Variants in TG observed in about 807,000 individuals in gnomAD.
TG encodes the protein thyroglobulin.
A neutral mutation model predicts 324.7 loss-of-function variants in TG; 270 were observed. The ratio of observed to expected loss-of-function variants is 0.83; its 90% CI spans 0.75 to 0.92. The LOEUF is 0.92. Ranked by LOEUF, TG falls within the 40% of genes least tolerant of loss-of-function variation. The pLI is 0.00. For synonymous variants in TG, 1,401 were observed against 1,327.0 expected (o/e 1.06, Z -1.21); for missense variants, 3,591 against 3,456.4 (o/e 1.04, Z -0.98).
At chr8:132,875,285 T>A (rs1235564477) in intron 5 of TG, among the ~76,000 whole-genome samples, 2 of 152,240 alleles carry the variant, frequency 1.3e-5, no homozygotes, top group African/African-American at 4.8e-5. Context: ...CCAGTTTTAT[T>A]GAGTACTTAT....
At chr8:132,999,569 C>T (rs935968053) in intron 35 of TG, among the ~76,000 whole-genome samples, 6 of 152,200 alleles carry the variant, frequency 3.9e-5, no homozygotes, top group Non-Finnish European at 7.3e-5. Context: ...TGCTCTCTCT[C>T]AGATCTGCCT....
intron 18 of TG, among the ~76,000 whole-genome samples, chr8:132,908,695 G>T (rs1265788083): frequency 6.6e-6 from 1 of 152,174 alleles, no homozygotes; most frequent in East Asian, 1.9e-4. Context: ...TCACCTCTTT[G>T]CTCTTTGGGG....
chr8:133,091,430 G>A (rs1847504756), intron 41 of TG, among the ~76,000 whole-genome samples: 1 of 152,202 alleles, frequency 6.6e-6, no homozygotes, highest in Admixed American at 6.5e-5. Context: ...GGGCAGAGCT[G>A]CCAGACCTCC....
Position 133,134,826 on chromosome 8 carries a change from G to C in TG, c.*32G>C, listed in dbSNP as rs760309222. The C allele has an allele frequency of 1.9e-6, 3 of 1,568,692 alleles. No homozygotes were observed. The highest frequency in any genetic ancestry group is 2.6e-6 in the Non-Finnish European group (3 of 1,138,722). On this transcript the variant is annotated 3_prime_UTR_variant, in exon 48 of 48. Transcript: ENST00000220616. ...CTTGAGCTCCCCAAAAACCTCACCCGAGGCTGCCCACTATGGTCATCTTTT... is the reference window on the plus strand; with the variant it reads ...CTTGAGCTCCCCAAAAACCTCACCCCAGGCTGCCCACTATGGTCATCTTTT...
chr8:133,100,641 CT>C lies in TG; in HGVS notation c.7572+4269del, dbSNP rs962144985. Among the ~76,000 whole-genome samples, 30 of 152,308 alleles carry C rather than the reference CT, an allele frequency of 2.0e-4. 1 individual carries two copies. The highest frequency in any genetic ancestry group is 1.9e-3 in the South Asian group (9 of 4,830). ...AACCAGAATTAAAACCCAGTTCTAT[CT>C]GCCTCCAAATATCCTCTTCCCATGA... On this transcript the variant is annotated intron_variant, in intron 43 of 47. Coordinates refer to ENST00000220616, the MANE Select transcript of TG (RefSeq NM_003235.5).
intron 43 of TG, among the ~76,000 whole-genome samples, chr8:133,101,136 T>C (rs1294742391): frequency 1.3e-5 from 2 of 152,000 alleles, no homozygotes. Flanking sequence ...TGATAAACAC[T>C]AGGTCAGGGA....
chr8:132,897,161 C>T (rs187011784), intron 11 of TG, among the ~76,000 whole-genome samples: 1 of 152,324 alleles, frequency 6.6e-6, no homozygotes, highest in Non-Finnish European at 1.5e-5. Flanking sequence ...CAAGGCCAAC[C>T]TCTCTTCTTT....
chr8:132,956,780 G>C (rs922126387), intron 27 of TG, among the ~76,000 whole-genome samples: 2 of 152,156 alleles, frequency 1.3e-5, no homozygotes, highest in African/African-American at 4.8e-5. Context: ...GTGGCTGAGG[G>C]ATGGGAAGGG....
chr8:133,115,352 A>T (rs954069228), intron 44 of TG, among the ~76,000 whole-genome samples: 7 of 152,106 alleles, frequency 4.6e-5, no homozygotes, highest in African/African-American at 1.7e-4. Flanking sequence ...GAGGCCTGCC[A>T]GTGCGTGATG....
intron 35 of TG, among the ~76,000 whole-genome samples, chr8:133,003,540 A>G (rs1833750041): frequency 6.6e-6 from 1 of 152,088 alleles, no homozygotes; most frequent in Non-Finnish European, 1.5e-5. Flanking sequence ...CATCATATAC[A>G]TATATCATAA....
At chr8:133,123,813 G>T (rs942006233) in intron 45 of TG, among the ~76,000 whole-genome samples, 1 of 152,210 alleles carries the variant, frequency 6.6e-6, no homozygotes, top group African/African-American at 2.4e-5. Context: ...CAAGGGCTCT[G>T]CCACTTTCTA....
At chr8:132,973,037 A>G (rs949543190) in intron 34 of TG, among the ~76,000 whole-genome samples, 1 of 152,172 alleles carries the variant, frequency 6.6e-6, no homozygotes, top group African/African-American at 2.4e-5. Flanking sequence ...ATCATCATTA[A>G]TCTGCTCCAT....
At chr8:132,967,247 C>CATCT (rs58020159) in intron 30 of TG, among the ~76,000 whole-genome samples, 1 of 79,142 alleles carries the variant, frequency 1.3e-5, no homozygotes, top group Admixed American at 1.2e-4. Flanking sequence ...TCCATCCATC[C>CATCT]ATCTATCCAT....
intron 37 of TG, among the ~76,000 whole-genome samples, chr8:133,017,323 G>A (rs945170691): frequency 2.0e-5 from 3 of 151,748 alleles, no homozygotes; most frequent in African/African-American, 7.3e-5. Flanking sequence ...GACATGGGTG[G>A]CTGAAGAAAT....
intron 37 of TG, among the ~76,000 whole-genome samples, chr8:133,015,924 C>T (rs1001498840): frequency 1.3e-5 from 2 of 152,028 alleles, no homozygotes; most frequent in African/African-American, 2.4e-5. Context: ...CTCTTTTTTT[C>T]CTCTTTCTCT....
intron 41 of TG, chr8:133,059,128 C>A (rs1051932389): frequency 2.2e-6 from 1 of 456,330 alleles, no homozygotes; most frequent in Non-Finnish European, 4.4e-6. Context: ...GGGCAGCCAT[C>A]TGCGCCAGTG....
At chr8:132,973,885 G>A (rs1241699830) in intron 34 of TG, among the ~76,000 whole-genome samples, 1 of 151,970 alleles carries the variant, frequency 6.6e-6, no homozygotes, top group South Asian at 2.1e-4. Flanking sequence ...AATATATGGG[G>A]AATTCTGGCT....
chr8:132,900,306 G>A lies in TG; in HGVS notation c.3400G>A (p.Glu1134Lys). 3 of 1,613,904 alleles carry A rather than the reference G, an allele frequency of 1.9e-6. No homozygotes were observed. The highest frequency in any genetic ancestry group is 2.5e-6 in the Non-Finnish European group (3 of 1,179,956). The stretch of plus-strand genomic sequence containing the variant: ...GTGTGTGGACCCTGCATCAGGAGAA[G>A]AGTTGCGGCCTGGCTCGAGCAGCAG... ...TWCVDPASGE[E>K]LRPGSSSSAQ... is the part of the protein sequence containing the mutation. Residue 1134 changes from glutamate (E) to lysine (K), a missense_variant, in exon 15 of 48, where the codon GAG becomes AAG. Glu to Lys is a moderately conservative substitution (Grantham distance 56, BLOSUM62 1). Coordinates refer to ENST00000220616, the MANE Select transcript of TG (RefSeq NM_003235.5).
intron 10 of TG, among the ~76,000 whole-genome samples, chr8:132,893,446 A>T (rs1415911164): frequency 1.4e-5 from 1 of 72,142 alleles, no homozygotes; most frequent in East Asian, 4.7e-4. Flanking sequence ...TGTGGTGTGT[A>T]TGTGTGTAGT....
Sources: gnomAD v4.1 joint callset for allele counts (sites outside exome capture counted in the v4.1 genomes callset) on GRCh38, gnomAD v4.1.1 for gene constraint, MANE v1.5 for transcripts, NCBI Gene and HGNC (gene_info 2026-07-23, HGNC 2026-07-21) for gene names.